Variants in SOS1 observed in about 807,000 individuals in gnomAD.
The protein encoded by SOS1 is son of sevenless homolog 1.
In SOS1, 25 loss-of-function variants were observed where a neutral mutation model predicts 157.6. The ratio of observed to expected loss-of-function variants is 0.16; its 90% CI spans 0.12 to 0.22. The LOEUF is 0.22. Ranked by LOEUF, SOS1 falls within the 10% of genes least tolerant of loss-of-function variation. The probability of loss-of-function intolerance (pLI) is 1.00; values close to 1 mark genes in which losing one functional copy is unlikely to be tolerated. For missense variants in SOS1, 1,237 were observed against 1,599.1 expected (o/e 0.77, Z 3.86); for synonymous variants, 528 against 534.0 (o/e 0.99, Z 0.16).
At position 39,054,800 on chromosome 2, in the gene SOS1, T is replaced by G; in HGVS notation, c.534A>C (p.Gln178His). 2 of 1,521,834 alleles carry G rather than the reference T, an allele frequency of 1.3e-6. No individual in the cohort carries two copies. The highest frequency in any genetic ancestry group is 1.8e-6 in the Non-Finnish European group (2 of 1,096,254). 94.3% of individuals were successfully genotyped at this position (1,521,834 alleles called of 1,614,324 possible). A position where few individuals can be genotyped will look rare whatever the true frequency, so the allele number is the denominator to read the frequency against. The change falls in exon 5 of 23, where the codon CAA becomes CAC. Residue 178 changes from glutamine to histidine, a missense_variant. By Grantham distance (24) the Gln-to-His change is conservative (BLOSUM62 0). Around this residue, in one of 15 missense-constraint regions of SOS1, gnomAD observed 108 missense variants for 115.3 expected, o/e 0.94. Coordinates refer to ENST00000402219, the MANE Select transcript of SOS1 (RefSeq NM_005633.4). ...ATAATATATTAATATCTTCTACATC[T>G]TGATGAAACATATCCATCAATACCT... is the stretch of plus-strand genomic sequence containing the variant. Reference protein sequence around the residue: ...ADKVLMDMFHQDVEDINILSL... With the variant: ...ADKVLMDMFHHDVEDINILSL...
chr2:39,070,463 C>T (rs1172062902), intron 1 of SOS1, among the ~76,000 whole-genome samples: 1 of 152,122 alleles, frequency 6.6e-6, no homozygotes, highest in African/African-American at 2.4e-5. Context: ...ACCCCTTCTA[C>T]TCTTGTATGT....
chr2:39,024,248 T>A, intron 8 of SOS1, 111 bp from the exon 9 acceptor site: 1 of 866,926 alleles, frequency 1.2e-6, no homozygotes, highest in Non-Finnish European at 1.9e-6. Context: ...AATAAAAATT[T>A]TAAATGTGTC....
At chr2:39,014,364 C>T (rs987327338) in intron 11 of SOS1, among the ~76,000 whole-genome samples, 1 of 152,042 alleles carries the variant, frequency 6.6e-6, no homozygotes, top group Admixed American at 6.6e-5. Context: ...AAACTGACTG[C>T]TCTTTGTTTG....
At chr2:39,079,988 G>A (rs892206951) in intron 1 of SOS1, among the ~76,000 whole-genome samples, 2 of 152,082 alleles carry the variant, frequency 1.3e-5, no homozygotes, top group African/African-American at 4.8e-5. Flanking sequence ...ACCAGGACCA[G>A]TTCTAGGCAA....
intron 1 of SOS1, among the ~76,000 whole-genome samples, chr2:39,109,169 A>G (rs1407252645): frequency 2.6e-5 from 4 of 152,214 alleles, no homozygotes; most frequent in Non-Finnish European, 5.9e-5. Flanking sequence ...ACTGCACTCC[A>G]GCCTGGATGA....
At position 39,035,196 on chromosome 2, in the gene SOS1, TAA is replaced by T. The variant is rs778745914; in HGVS notation, c.1074+14_1074+15del. On this transcript the variant is annotated intron_variant, in intron 8 of 22. Transcript: ENST00000402219. The stretch of plus-strand genomic sequence containing the variant: ...CACTTGAATATGTTACAAATAACAA[TAA>T]AGAGTTTTCTTACCTTCAAAAGTTC... The T allele has an allele frequency of 9.6e-6, 15 of 1,555,794 alleles. No homozygotes were observed. Among genetic ancestry groups the T allele is most frequent in the South Asian group, 2.2e-5 (2 of 88,954 alleles).
chr2:39,080,858 T>C (rs1672175741), intron 1 of SOS1, among the ~76,000 whole-genome samples: 2 of 152,078 alleles, frequency 1.3e-5, no homozygotes, highest in African/African-American at 4.8e-5. Context: ...CTTGGAAGAA[T>C]TGTGATAGGC....
intron 1 of SOS1, among the ~76,000 whole-genome samples, chr2:39,100,416 C>A (rs1255880443): frequency 6.6e-6 from 1 of 152,088 alleles, no homozygotes; most frequent in Non-Finnish European, 1.5e-5. Flanking sequence ...TGTCAACTGA[C>A]AGATGAATGA....
At chr2:39,088,627 G>C (rs1348505415) in intron 1 of SOS1, among the ~76,000 whole-genome samples, 1 of 152,120 alleles carries the variant, frequency 6.6e-6, no homozygotes, top group Non-Finnish European at 1.5e-5. Context: ...ATATTTTCAA[G>C]ATTCGCCCAT....
chr2:38,991,203 A>T (rs1341404899), intron 20 of SOS1, among the ~76,000 whole-genome samples: 1 of 151,836 alleles, frequency 6.6e-6, no homozygotes, highest in African/African-American at 2.4e-5. Flanking sequence ...CATTCTTGAT[A>T]GAAACAAGCA....
At chr2:39,088,632 G>A (rs188418769) in intron 1 of SOS1, among the ~76,000 whole-genome samples, 6 of 151,902 alleles carry the variant, frequency 3.9e-5, no homozygotes, top group African/African-American at 7.2e-5. Context: ...TTCAAGATTC[G>A]CCCATGCTGC....
chr2:39,018,763 T>C (rs943546428), intron 10 of SOS1, among the ~76,000 whole-genome samples: 2 of 151,782 alleles, frequency 1.3e-5, no homozygotes, highest in African/African-American at 4.8e-5. Context: ...AACACTGTTA[T>C]AATCAGGATG....
At chr2:39,106,102 C>G (rs923894078) in intron 1 of SOS1, among the ~76,000 whole-genome samples, 2 of 151,612 alleles carry the variant, frequency 1.3e-5, no homozygotes, top group African/African-American at 4.9e-5. Context: ...TGCCTGTGGT[C>G]CCAGCTACTT....
chr2:39,107,804 C>T (rs534965393), intron 1 of SOS1, among the ~76,000 whole-genome samples: 1 of 152,156 alleles, frequency 6.6e-6, no homozygotes, highest in South Asian at 2.1e-4. Flanking sequence ...AAGAGATTCA[C>T]TCTACTCAGG....
chr2:39,038,669 G>A (rs948738911), intron 6 of SOS1, among the ~76,000 whole-genome samples: 6 of 128,938 alleles, frequency 4.7e-5, no homozygotes, highest in African/African-American at 1.8e-4. Flanking sequence ...GGGAGGCAGA[G>A]GTTGCAGTGA....
intron 1 of SOS1, among the ~76,000 whole-genome samples, chr2:39,097,227 T>C (rs1017547736): frequency 1.4e-4 from 22 of 152,228 alleles, no homozygotes; most frequent in Non-Finnish European, 2.4e-4. Context: ...TATAACACTT[T>C]ATATATACAA....
chr2:39,033,483 T>C (rs1342766368), intron 8 of SOS1, among the ~76,000 whole-genome samples: 4 of 152,190 alleles, frequency 2.6e-5, no homozygotes, highest in Non-Finnish European at 1.5e-5. Context: ...TTGGGTTTTA[T>C]AGCCTTCTGA....
chr2:39,064,678 T>C (rs1671530856), intron 2 of SOS1, among the ~76,000 whole-genome samples: 1 of 152,112 alleles, frequency 6.6e-6, no homozygotes, highest in South Asian at 2.1e-4. Flanking sequence ...ATGAAGCGTA[T>C]TCTTCAGAAA....
intron 1 of SOS1, among the ~76,000 whole-genome samples, chr2:39,068,848 C>G (rs527517357): frequency 6.6e-6 from 1 of 152,058 alleles, no homozygotes; most frequent in Non-Finnish European, 1.5e-5. Context: ...TTGTTCCTCC[C>G]TAAATAAATG....
Sources: gnomAD v4.1 joint callset for allele counts (sites outside exome capture counted in the v4.1 genomes callset) on GRCh38, gnomAD v4.1.1 for gene constraint, gnomAD v4.1.1 regional missense constraint, MANE v1.5 for transcripts, NCBI Gene and HGNC (gene_info 2026-07-23, HGNC 2026-07-21) for gene names.